BMX: variants seen among roughly 807,000 people sequenced by gnomAD.
BMX encodes the protein BMX non-receptor tyrosine kinase, also known as cytoplasmic tyrosine-protein kinase BMX.
In BMX, 31 loss-of-function variants were observed where a neutral mutation model predicts 59.2. That is an observed-to-expected ratio of 0.52 (90% CI 0.39 to 0.71). BMX has a LOEUF of 0.71. Among genes scored for constraint, BMX ranks in the 30% least tolerant of loss-of-function variants. BMX has a pLI of 0.00. For missense variants in BMX, 474 were observed against 491.7 expected (o/e 0.96, Z 0.34); for synonymous variants, 185 against 181.0 (o/e 1.02, Z -0.18).
intron 14 of BMX, among the ~76,000 whole-genome samples, chrX:15,539,209 C>A (rs1309029750): frequency 9.1e-6 from 1 of 110,435 alleles, no homozygotes; most frequent in Non-Finnish European, 1.9e-5. Context: ...ACCTCTGTGT[C>A]TTGGTGTAAC....
At chrX:15,527,267 TATATATATATATATATAC>T (rs1451155625) in intron 9 of BMX, among the ~76,000 whole-genome samples, 65 of 31,833 alleles carry the variant, frequency 2.0e-3, no homozygotes, top group Non-Finnish European at 2.6e-3. Flanking sequence ...TATATATATA[TATATATATATATATATAC>T]ACACACACAC....
At chrX:15,537,455 C>A (rs1301896119) in intron 14 of BMX, 150 bp downstream of exon 14, 5 of 598,906 alleles carry the variant, frequency 8.3e-6, no homozygotes, top group Non-Finnish European at 1.2e-5. Context: ...ATTGAACTAA[C>A]AGACTATTAA....
chrX:15,531,646 C>T (rs991709581), intron 11 of BMX, among the ~76,000 whole-genome samples: 6 of 111,683 alleles, frequency 5.4e-5, no homozygotes, highest in African/African-American at 1.6e-4. Context: ...TGCCCCACTC[C>T]AGGCAGTAAC....
chrX:15,555,201 CTTTTTTTTT>C (rs34118728), intron 18 of BMX, among the ~76,000 whole-genome samples: 1 of 41,591 alleles, frequency 2.4e-5, no homozygotes, highest in African/African-American at 9.0e-5. Flanking sequence ...ACGAGGGAAG[CTTTTTTTTT>C]TTTTTTTTTT....
chrX:15,511,856 T>C (rs1369385774), intron 4 of BMX, among the ~76,000 whole-genome samples: 2 of 112,082 alleles, frequency 1.8e-5, no homozygotes, highest in African/African-American at 6.5e-5. Flanking sequence ...TGGGGCTATG[T>C]CAAGTCCTGT....
chrX:15,501,434 C>T (rs188455010), intron 1 of BMX, among the ~76,000 whole-genome samples: 2 of 112,262 alleles, frequency 1.8e-5, no homozygotes, highest in Non-Finnish European at 3.8e-5. Context: ...AAATCAAGTG[C>T]TTTGTGTATT....
chrX:15,543,529 T>G lies in BMX; in HGVS notation c.1676+394T>G, dbSNP rs956045243. Reference sequence around the variant, plus strand: ...TGTGAAATAATCGCATCATGGAGAATGGGGTATCCATCCCCTCAAGCATTT... The same window carrying G: ...TGTGAAATAATCGCATCATGGAGAAGGGGGTATCCATCCCCTCAAGCATTT... On this transcript the variant is annotated intron_variant, in intron 16 of 18. Transcript: ENST00000348343. Among the ~76,000 whole-genome samples, 34 of 111,068 alleles carry G rather than the reference T, an allele frequency of 3.1e-4. 1 individual carries two copies. The highest frequency in any genetic ancestry group is 5.7e-5 in the Non-Finnish European group (3 of 52,952).
chrX:15,526,393 T>G (rs193143994), intron 9 of BMX, among the ~76,000 whole-genome samples: 2 of 112,225 alleles, frequency 1.8e-5, no homozygotes, highest in East Asian at 5.6e-4. Flanking sequence ...ATGTAGCATA[T>G]AATGTTTCTG....
Position 15,517,915 on chromosome X carries a change from G to A in BMX, c.446-14G>A, listed in dbSNP as rs1433375692. 2 of 1,188,954 alleles carry A rather than the reference G, an allele frequency of 1.7e-6. No homozygotes were observed. The highest frequency in any genetic ancestry group is 2.3e-6 in the Non-Finnish European group (2 of 878,038). On this transcript the variant is annotated splice_polypyrimidine_tract_variant and intron_variant, in intron 5 of 18. Coordinates refer to ENST00000348343, the MANE Select transcript of BMX (RefSeq NM_203281.3). ...TTAAAGTTCCTTCTGATATTACTTTGTTTTAATGTTCAGATGCTAATCTGC... is the reference window on the plus strand; with the variant it reads ...TTAAAGTTCCTTCTGATATTACTTTATTTTAATGTTCAGATGCTAATCTGC...
chrX:15,523,617 T>G (rs746260642), intron 7 of BMX, among the ~76,000 whole-genome samples: 3 of 111,734 alleles, frequency 2.7e-5, no homozygotes, highest in Non-Finnish European at 5.6e-5. Context: ...TTTGTGCGCC[T>G]GCAGCCCACC....
At chrX:15,533,495 A>C (rs1406093152) in intron 11 of BMX, among the ~76,000 whole-genome samples, 2 of 111,847 alleles carry the variant, frequency 1.8e-5, no homozygotes, top group Non-Finnish European at 3.8e-5. Context: ...CAATTTATTA[A>C]CTGTTTCTTA....
chrX:15,556,187 C>A lies in BMX; in HGVS notation c.*40C>A, dbSNP rs778442240. ...GTGCTGATAAGAATGAATATAGATG[C>A]TGGCCAGCATTTTCATTCATTTTAA... On this transcript the variant is annotated 3_prime_UTR_variant, in exon 19 of 19. Coordinates refer to ENST00000348343, the MANE Select transcript of BMX (RefSeq NM_203281.3). 9.0e-7 allele frequency: 1 copy of A among 1,110,765 alleles called. No individual in the cohort carries two copies. The highest frequency in any genetic ancestry group is 1.2e-6 in the Non-Finnish European group (1 of 827,016). The allele number at this position is 1,110,765 out of a possible 1,213,427, so 91.5% of individuals were successfully genotyped here.
Position 15,522,406 on chromosome X carries a change from C to G in BMX, c.571C>G (p.Leu191Val). ...GGATGCACCATCTTCAAGTACCACTCTAGCCCAATATGACAACGAATCAAA... is the reference window on the plus strand; with the variant it reads ...GGATGCACCATCTTCAAGTACCACTGTAGCCCAATATGACAACGAATCAAA... ...KMDAPSSSTT[L>V]AQYDNESKKN... The change falls in exon 7 of 19, where the codon CTA becomes GTA. Residue 191 changes from leucine to valine, a missense_variant. Physicochemically the swap from Leu to Val is conservative, Grantham distance 32. Coordinates refer to ENST00000348343, the MANE Select transcript of BMX (RefSeq NM_203281.3). 1 of 1,212,152 alleles carries G rather than the reference C, an allele frequency of 8.2e-7. No homozygotes were observed. The highest frequency in any genetic ancestry group is 1.1e-6 in the Non-Finnish European group (1 of 895,511).
intron 18 of BMX, among the ~76,000 whole-genome samples, chrX:15,551,015 G>A (rs1926172681): frequency 9.0e-6 from 1 of 111,104 alleles, no homozygotes; most frequent in Non-Finnish European, 1.9e-5. Flanking sequence ...AGCATGGCAC[G>A]CTAGGCTGGT....
Position 15,516,200 on chromosome X carries a change from A to C in BMX, c.414A>C (p.Lys138Asn). Residue 138 changes from lysine (K) to asparagine (N), a missense_variant, in exon 5 of 19, where the codon AAA becomes AAC. Physicochemically the swap from Lys to Asn is moderately conservative, Grantham distance 94. Transcript: ENST00000348343. Reference sequence around the variant, plus strand: ...TCCTGTGTTGCCAGCAGAGCTGTAAAGCAGCCCCAGGATGTACCCTCTGGG... The same window carrying C: ...TCCTGTGTTGCCAGCAGAGCTGTAACGCAGCCCCAGGATGTACCCTCTGGG... ...GKFLCCQQSC[K>N]AAPGCTLWEA... 8.3e-7 allele frequency: 1 copy of C among 1,210,962 alleles called. No homozygotes were observed. The highest frequency in any genetic ancestry group is 1.1e-6 in the Non-Finnish European group (1 of 895,011).
rs1274171514 is a variant in BMX, at chrX:15,522,482, A to G, written c.647A>G (p.Tyr216Cys). 10 of 1,212,296 alleles carry G rather than the reference A, an allele frequency of 8.2e-6. No individual in the cohort carries two copies. Among genetic ancestry groups the G allele is most frequent in the Admixed American group, 6.5e-5 (3 of 46,096 alleles). The stretch of plus-strand genomic sequence containing the variant: ...TCTTCAAGTACCAGTCTAGCGCAAT[A>G]TGACAGCAACTCAAAGAAAATCTAT... ...PPSSSTSLAQ[Y>C]DSNSKKIYGS... Residue 216 changes from tyrosine to cysteine, a missense_variant, in exon 7 of 19, where the codon TAT becomes TGT. Transcript: ENST00000348343.
intron 11 of BMX, among the ~76,000 whole-genome samples, chrX:15,533,916 C>T (rs751527585): frequency 9.0e-6 from 1 of 111,467 alleles, no homozygotes; most frequent in East Asian, 2.8e-4. Context: ...AGAAAGATTC[C>T]AGTTTTATAC....
In BMX at chrX:15,532,320, T is replaced by C. The variant is rs761099581; in HGVS notation, c.1019+913T>C. Among the ~76,000 whole-genome samples the C allele has an allele frequency of 7.7e-3, 849 of 109,775 alleles. 9 individuals carry two copies. Among genetic ancestry groups the C allele is most frequent in the African/African-American group, 0.027 (817 of 30,146 alleles). On this transcript the variant is annotated intron_variant, in intron 11 of 18. Transcript: ENST00000348343. Reference sequence around the variant, plus strand: ...CCACTTTCTTATTGGTAGTTAGCTCTTTTTTTTTCCTTCTAATCGTCCTCC... The same window carrying C: ...CCACTTTCTTATTGGTAGTTAGCTCCTTTTTTTTCCTTCTAATCGTCCTCC...
intron 5 of BMX, among the ~76,000 whole-genome samples, chrX:15,517,323 C>T (rs1449816508): frequency 8.9e-6 from 1 of 112,033 alleles, no homozygotes; most frequent in Non-Finnish European, 1.9e-5. Flanking sequence ...GGAGTAATGT[C>T]TCCTTATGGT....
Sources: allele counts gnomAD v4.1 joint callset (sites outside exome capture counted in the v4.1 genomes callset), GRCh38; gene constraint gnomAD v4.1.1; transcripts MANE v1.5; gene names NCBI Gene and HGNC (gene_info 2026-07-23, HGNC 2026-07-21).